Variants in ZFAND3 observed in about 807,000 individuals in gnomAD.
ZFAND3 encodes the protein AN1-type zinc finger protein 3.
Under a neutral mutation model 29.6 loss-of-function variants are expected in ZFAND3, and 10 were observed. The ratio of observed to expected loss-of-function variants is 0.34; its 90% CI spans 0.21 to 0.57. The LOEUF is 0.57. Ranked by LOEUF, ZFAND3 falls within the 20% of genes least tolerant of loss-of-function variation. ZFAND3 has a pLI of 0.86. For missense variants in ZFAND3, 230 were observed against 304.5 expected (o/e 0.76, Z 1.82); for synonymous variants, 128 against 112.6 (o/e 1.14, Z -0.87).
chr6:37,938,776 ATGT>A (rs1761750064), intron 2 of ZFAND3, among the ~76,000 whole-genome samples: 1 of 152,170 alleles, frequency 6.6e-6, no homozygotes, highest in Non-Finnish European at 1.5e-5. Context: ...GATGATGATG[ATGT>A]TATGGAAATT....
At chr6:37,828,646 A>C (rs1763801249) in intron 1 of ZFAND3, among the ~76,000 whole-genome samples, 1 of 120,728 alleles carries the variant, frequency 8.3e-6, no homozygotes, top group Non-Finnish European at 1.7e-5. Context: ...GGATGGTATT[A>C]TTTTCTTTTC....
intron 4 of ZFAND3, among the ~76,000 whole-genome samples, chr6:38,115,954 A>G (rs1765408936): frequency 6.6e-6 from 1 of 152,162 alleles, no homozygotes; most frequent in African/African-American, 2.4e-5. Flanking sequence ...TTGCATGTGT[A>G]CCAGCAGAGG....
At chr6:38,041,785 T>C (rs1347581376) in intron 2 of ZFAND3, among the ~76,000 whole-genome samples, 243 of 3,186 alleles carry the variant, frequency 0.076, 115 homozygotes, top group East Asian at 0.41. Context: ...CTCCTCCTCT[T>C]CTTTCTTCTT....
At chr6:38,096,579 G>T (rs1269938043) in intron 4 of ZFAND3, among the ~76,000 whole-genome samples, 1 of 152,202 alleles carries the variant, frequency 6.6e-6, no homozygotes, top group Non-Finnish European at 1.5e-5. Context: ...CCTTAGATCT[G>T]AAGACTGATG....
At chr6:37,973,084 TC>T (rs2127429345) in intron 2 of ZFAND3, among the ~76,000 whole-genome samples, 1 of 152,290 alleles carries the variant, frequency 6.6e-6, no homozygotes. Flanking sequence ...TTTGATTGTT[TC>T]ACTGCTTTTT....
intron 1 of ZFAND3, among the ~76,000 whole-genome samples, chr6:37,895,482 T>A (rs1401401578): frequency 3.0e-4 from 29 of 98,128 alleles, no homozygotes; most frequent in East Asian, 6.4e-4. Context: ...TTTTTTTTTT[T>A]ATCTTATATG....
intron 2 of ZFAND3, among the ~76,000 whole-genome samples, chr6:38,029,522 G>T (rs1364268134): frequency 6.6e-6 from 1 of 152,148 alleles, no homozygotes; most frequent in Non-Finnish European, 1.5e-5. Context: ...AAACAGCACA[G>T]CATTTATGGT....
chr6:37,860,070 C>T (rs1378575932), intron 1 of ZFAND3, among the ~76,000 whole-genome samples: 8 of 144,698 alleles, frequency 5.5e-5, no homozygotes, highest in Non-Finnish European at 1.2e-4. Context: ...TTTTAGTAGA[C>T]GTGGGGTTTC....
At chr6:38,097,347 A>G (rs9462380) in intron 4 of ZFAND3, among the ~76,000 whole-genome samples, 95,475 of 151,298 alleles carry the variant, frequency 0.63, 30,902 homozygotes, top group African/African-American at 0.75. Flanking sequence ...TCTGCCACCC[A>G]AAGTGCTAGA....
chr6:37,983,617 C>G (rs910768439), intron 2 of ZFAND3, among the ~76,000 whole-genome samples: 1 of 152,134 alleles, frequency 6.6e-6, no homozygotes, highest in Non-Finnish European at 1.5e-5. Context: ...CCTTGACCTC[C>G]CAAAGTGCTG....
intron 2 of ZFAND3, among the ~76,000 whole-genome samples, chr6:37,977,420 G>A (rs1183505485): frequency 6.6e-6 from 1 of 152,148 alleles, no homozygotes; most frequent in Non-Finnish European, 1.5e-5. Context: ...TCGTGCGTTA[G>A]CCTCCCGAGT....
At chr6:38,062,184 TA>T (rs1479482630) in intron 3 of ZFAND3, among the ~76,000 whole-genome samples, 1 of 152,188 alleles carries the variant, frequency 6.6e-6, no homozygotes, top group African/African-American at 2.4e-5. Context: ...ATTCTAACCC[TA>T]AAACCCTAAT....
intron 4 of ZFAND3, among the ~76,000 whole-genome samples, chr6:38,108,432 CA>C (rs1765249849): frequency 6.6e-6 from 1 of 152,100 alleles, no homozygotes. Context: ...AGTCCAAGTC[CA>C]AAAGCCCCCA....
At chr6:38,095,156 G>C (rs1764951930) in intron 4 of ZFAND3, among the ~76,000 whole-genome samples, 1 of 152,108 alleles carries the variant, frequency 6.6e-6, no homozygotes, top group Non-Finnish European at 1.5e-5. Context: ...TACATGCTAA[G>C]AATATATTTC....
intron 2 of ZFAND3, among the ~76,000 whole-genome samples, chr6:37,995,662 G>T (rs1762837256): frequency 6.6e-6 from 1 of 152,098 alleles, no homozygotes; most frequent in Non-Finnish European, 1.5e-5. Flanking sequence ...GAGTAAAGCA[G>T]GACCTCTTCC....
chr6:38,125,850 C>G (rs1765624345), intron 5 of ZFAND3, among the ~76,000 whole-genome samples: 1 of 152,072 alleles, frequency 6.6e-6, no homozygotes, highest in Admixed American at 6.5e-5. Context: ...AATTTACGTA[C>G]CATAAAATTT....
At position 37,884,091 on chromosome 6, in the gene ZFAND3, A is replaced by G. The variant is rs1276125622; in HGVS notation, c.72-45868A>G. ...ATAGAGATTGATTTTTAACTTGATC[A>G]CATGGAAGTGGGAGATTAGAATGGT... On this transcript the variant is annotated intron_variant, in intron 1 of 5. Coordinates refer to ENST00000287218, the MANE Select transcript of ZFAND3 (RefSeq NM_021943.3). 2.1e-5 allele frequency among the ~76,000 whole-genome samples: 3 copies of G among 145,496 alleles called. 1 individual carries two copies. Among genetic ancestry groups the G allele is most frequent in the African/African-American group, 8.3e-5 (3 of 36,100 alleles).
At chr6:37,949,389 A>C (rs1261137842) in intron 2 of ZFAND3, among the ~76,000 whole-genome samples, 1 of 151,396 alleles carries the variant, frequency 6.6e-6, no homozygotes, top group Non-Finnish European at 1.5e-5. Context: ...TCATTTATGC[A>C]AAGAAAACTC....
At chr6:38,003,607 T>C in intron 2 of ZFAND3, 1 of 271,550 alleles carries the variant, frequency 3.7e-6, no homozygotes, top group Non-Finnish European at 7.3e-6. Flanking sequence ...CTAGCAATCC[T>C]CCCACTTCAG....
Sources: allele counts gnomAD v4.1 joint callset (sites outside exome capture counted in the v4.1 genomes callset), GRCh38; gene constraint gnomAD v4.1.1; transcripts MANE v1.5; gene names NCBI Gene and HGNC (gene_info 2026-07-23, HGNC 2026-07-21).